Variants in OXR1 observed in about 807,000 individuals in gnomAD.
OXR1 encodes the protein oxidation resistance protein 1.
A neutral mutation model predicts 104.6 loss-of-function variants in OXR1; 41 were observed. That is an observed-to-expected ratio of 0.39 (90% CI 0.31 to 0.51). The LOEUF (loss-of-function observed/expected upper bound fraction) is 0.51, where lower values mean the gene tolerates loss of function less well. Among genes scored for constraint, OXR1 ranks in the 20% least tolerant of loss-of-function variants. The probability of loss-of-function intolerance (pLI) is 0.77; values close to 1 mark genes in which losing one functional copy is unlikely to be tolerated. For synonymous variants in OXR1, 348 were observed against 348.4 expected (o/e 1.00, Z 0.01); for missense variants, 955 against 1,031.9 (o/e 0.93, Z 1.02).
chr8:106,615,589 CAG>C (rs560518861), intron 3 of OXR1, among the ~76,000 whole-genome samples: 135 of 125,594 alleles, frequency 1.1e-3, no homozygotes, highest in African/African-American at 3.8e-3. Flanking sequence ...CTCTTGGCAA[CAG>C]AGACAGAATC....
chr8:106,518,567 T>TG, intron 2 of OXR1, among the ~76,000 whole-genome samples: 2 of 152,318 alleles, frequency 1.3e-5, no homozygotes, highest in Middle Eastern at 3.4e-3. Context: ...TTTATTATTC[T>TG]TTTTGGAGTT....
At chr8:106,345,911 G>T (rs1815456441) in intron 1 of OXR1, among the ~76,000 whole-genome samples, 1 of 152,204 alleles carries the variant, frequency 6.6e-6, no homozygotes. Context: ...ACCTACTGAT[G>T]GCGCTGTAAT....
intron 2 of OXR1, among the ~76,000 whole-genome samples, chr8:106,384,674 G>T (rs16874484): frequency 6.6e-6 from 1 of 151,544 alleles, no homozygotes; most frequent in Non-Finnish European, 1.5e-5. Flanking sequence ...AGGTACTAAG[G>T]ATTGTCAAAA....
chr8:106,427,321 C>T (rs1819171984), intron 2 of OXR1, among the ~76,000 whole-genome samples: 1 of 152,014 alleles, frequency 6.6e-6, no homozygotes, highest in African/African-American at 2.4e-5. Flanking sequence ...TGACCACCAC[C>T]ACGTCCGGCA....
At chr8:106,656,737 G>C (rs1201334802) in intron 3 of OXR1, among the ~76,000 whole-genome samples, 1 of 150,050 alleles carries the variant, frequency 6.7e-6, no homozygotes, top group African/African-American at 2.5e-5. Flanking sequence ...GGTGATGGCT[G>C]ATATTAGAAT....
chr8:106,679,100 G>T, intron 3 of OXR1, 110 bp from the exon 4 acceptor site: 7 of 568,002 alleles, frequency 1.2e-5, no homozygotes. Flanking sequence ...CAGGGAGTAA[G>T]CTGTATTACT....
chr8:106,416,738 A>G (rs1818696198), intron 2 of OXR1, among the ~76,000 whole-genome samples: 1 of 152,096 alleles, frequency 6.6e-6, no homozygotes, highest in South Asian at 2.1e-4. Flanking sequence ...GTGAGAATGC[A>G]TAAATCTGGC....
intron 1 of OXR1, among the ~76,000 whole-genome samples, chr8:106,311,720 C>G (rs982737768): frequency 6.6e-6 from 1 of 152,136 alleles, no homozygotes; most frequent in Non-Finnish European, 1.5e-5. Context: ...CCACTGCCTT[C>G]AAAAATACAA....
At chr8:106,358,531 G>T (rs1816085081) in intron 1 of OXR1, among the ~76,000 whole-genome samples, 1 of 152,140 alleles carries the variant, frequency 6.6e-6, no homozygotes. Flanking sequence ...CAAGAACAAT[G>T]TCTTATTCAT....
chr8:106,682,714 T>A (rs544859233), intron 4 of OXR1, among the ~76,000 whole-genome samples: 11 of 152,302 alleles, frequency 7.2e-5, no homozygotes, highest in African/African-American at 2.6e-4. Context: ...GTACGAATGA[T>A]TCAGAACTAA....
intron 7 of OXR1, among the ~76,000 whole-genome samples, chr8:106,693,859 A>G (rs1224704810): frequency 6.6e-6 from 1 of 152,186 alleles, no homozygotes; most frequent in East Asian, 1.9e-4. Context: ...TGTCTATAAC[A>G]TGATACTGCC....
chr8:106,622,210 C>A lies in OXR1; in HGVS notation c.221-57000C>A, dbSNP rs180824414. ...TTCTCAGAATAAACCCAGAATCTGT[C>A]CAGTCCTTACCACTTGCACTGCTTC... On this transcript the variant is annotated intron_variant, in intron 3 of 16. Coordinates refer to ENST00000517566, the MANE Select transcript of OXR1 (RefSeq NM_001198533.2). 3.9e-3 allele frequency among the ~76,000 whole-genome samples: 601 copies of A among 152,170 alleles called. 2 individuals are homozygous for A. The highest frequency in any genetic ancestry group is 7.3e-3 in the Non-Finnish European group (498 of 68,002).
At chr8:106,537,809 G>A (rs958124811) in intron 3 of OXR1, among the ~76,000 whole-genome samples, 9 of 152,008 alleles carry the variant, frequency 5.9e-5, no homozygotes, top group Non-Finnish European at 1.3e-4. Flanking sequence ...AGAGAGGGGG[G>A]AATATACTCT....
intron 3 of OXR1, among the ~76,000 whole-genome samples, chr8:106,562,667 G>A (rs888589848): frequency 2.0e-5 from 3 of 152,092 alleles, no homozygotes; most frequent in Non-Finnish European, 2.9e-5. Context: ...ACAAATAATT[G>A]TCAGATTCAC....
At chr8:106,278,391 GT>G (rs1053775196) in intron 1 of OXR1, among the ~76,000 whole-genome samples, 1 of 151,454 alleles carries the variant, frequency 6.6e-6, no homozygotes, top group African/African-American at 2.4e-5. Context: ...CTAACCTCTG[GT>G]CCTTCATCTA....
rs183860453 is a variant in OXR1 at position 106,401,885 on chromosome 8, G to A, written c.23+42249G>A. On this transcript the variant is annotated intron_variant, in intron 2 of 16. Transcript: ENST00000517566. ...AACCAGCATAATATCTTATGAAGGG[G>A]AAAAATTGACCAAGATTCCTGCAAA... is the stretch of plus-strand genomic sequence containing the variant. Among the ~76,000 whole-genome samples, 653 of 152,284 alleles carry A rather than the reference G, an allele frequency of 4.3e-3. 15 individuals are homozygous for A. The highest frequency in any genetic ancestry group is 0.035 in the Admixed American group (531 of 15,292).
At chr8:106,501,283 C>A (rs1183043894) in intron 2 of OXR1, among the ~76,000 whole-genome samples, 4 of 152,178 alleles carry the variant, frequency 2.6e-5, no homozygotes, top group Admixed American at 2.0e-4. Context: ...GCCACCACGC[C>A]TGGCTTGAAG....
chr8:106,444,391 T>A (rs527568970), intron 2 of OXR1, among the ~76,000 whole-genome samples: 1 of 152,316 alleles, frequency 6.6e-6, no homozygotes, highest in South Asian at 2.1e-4. Flanking sequence ...CATGCACACA[T>A]GTTTATTGCA....
In OXR1 at chr8:106,694,724, TTATATATTTATA is replaced by T. The variant is rs1210280041; in HGVS notation, c.675+1863_675+1874del. Among the ~76,000 whole-genome samples the T allele has an allele frequency of 6.0e-4, 63 of 105,210 alleles. 3 individuals are homozygous for T. In the East Asian group the frequency reaches 7.3e-3, roughly 12 times the overall value. The allele number at this position is 105,210 out of a possible 152,430, so 69.0% of individuals were successfully genotyped here. A position where few individuals can be genotyped will look rare whatever the true frequency, so the allele number is the denominator to read the frequency against. On this transcript the variant is annotated intron_variant, in intron 7 of 16. Coordinates refer to ENST00000517566, the MANE Select transcript of OXR1 (RefSeq NM_001198533.2). Reference sequence around the variant, plus strand: ...ATATATTTAATATATAAATATATTTTTATATATTTATATATATATTTATATATTAATATATAT... The same window carrying T: ...ATATATTTAATATATAAATATATTTTTATATATTTATATATTAATATATAT...
Sources: allele counts gnomAD v4.1 joint callset (sites outside exome capture counted in the v4.1 genomes callset), GRCh38; gene constraint gnomAD v4.1.1; transcripts MANE v1.5; gene names NCBI Gene and HGNC (gene_info 2026-07-23, HGNC 2026-07-21).